The following TLK1 variants were observed in gnomAD, a reference collection of about 807,000 sequenced individuals.
The protein encoded by TLK1 is tousled like kinase 1, also known as serine/threonine-protein kinase tousled-like 1.
TLK1 carries 24 observed loss-of-function variants against 105.3 expected under a neutral mutation model. The ratio of observed to expected loss-of-function variants is 0.23; its 90% CI spans 0.17 to 0.32. The LOEUF (loss-of-function observed/expected upper bound fraction) is 0.32. TLK1 is among the 10% of genes least tolerant of loss of function. The pLI, the probability that TLK1 is intolerant of heterozygous loss-of-function variation, is 1.00. For synonymous variants in TLK1, 321 were observed against 310.4 expected (o/e 1.03, Z -0.36); for missense variants, 558 against 910.5 (o/e 0.61, Z 4.98).
chr2:171,091,282 G>A lies in TLK1; in HGVS notation c.259-8430C>T, dbSNP rs536874451. Among the ~76,000 whole-genome samples the A allele has an allele frequency of 5.3e-5, 8 of 152,228 alleles. No individual in the cohort carries two copies. The East Asian group carries it at 1.5e-3, about 29-fold the overall frequency. ...CAGTGCTTGAGTTCAATGCTTGAGA[G>A]GAGCTATATGGGTTAAGAGGGAATA... On this transcript the variant is annotated intron_variant, in intron 2 of 20. Coordinates refer to ENST00000431350, the MANE Select transcript of TLK1 (RefSeq NM_012290.5).
intron 1 of TLK1, among the ~76,000 whole-genome samples, chr2:171,128,382 T>C (rs1690956979): frequency 6.6e-6 from 1 of 152,168 alleles, no homozygotes. Context: ...AGCTTCCTTA[T>C]ATAGAAAATG....
Position 171,160,730 on chromosome 2 carries a change from CGG to C in TLK1, c.-304_-303del, listed in dbSNP as rs1436056136. On this transcript the variant is annotated 5_prime_UTR_variant, in exon 1 of 21. Transcript: ENST00000431350. The surrounding 1 kb of genome is among the most constrained non-coding windows in gnomAD (Gnocchi z 4.4). Reference sequence around the variant, plus strand: ...GCGGAGGCGTCGAGGGGGTGCCAGCCGGGCCGGGGTCGGAGCGCGGGCGGAGC... The same window carrying C: ...GCGGAGGCGTCGAGGGGGTGCCAGCCGCCGGGGTCGGAGCGCGGGCGGAGC... 2.2e-6 allele frequency: 1 copy of C among 449,164 alleles called. No homozygotes were observed. Among genetic ancestry groups the C allele is most frequent in the South Asian group, 5.9e-5 (1 of 16,916 alleles). The allele number at this position is 449,164 out of a possible 1,614,324, so 27.8% of individuals were successfully genotyped here. A position where few individuals can be genotyped will look rare whatever the true frequency, so the allele number is the denominator to read the frequency against.
intron 12 of TLK1, 139 bp from the exon 13 acceptor site, chr2:171,015,087 T>G (rs1038352749): frequency 3.1e-6 from 2 of 655,596 alleles, no homozygotes; most frequent in Non-Finnish European, 5.2e-6. Context: ...AAGACCAAAG[T>G]GCTCTTTTCA....
At chr2:171,129,043 C>T (rs1284025487) in intron 1 of TLK1, among the ~76,000 whole-genome samples, 1 of 152,026 alleles carries the variant, frequency 6.6e-6, no homozygotes, top group African/African-American at 2.4e-5. Context: ...TGTACTTGAT[C>T]CTGCAGTAAG....
At chr2:171,076,676 G>T (rs1167194004) in intron 3 of TLK1, among the ~76,000 whole-genome samples, 2 of 150,860 alleles carry the variant, frequency 1.3e-5, no homozygotes, top group African/African-American at 2.4e-5. Flanking sequence ...GAGGCGGGCG[G>T]ATCACAAGGT....
At chr2:171,130,465 G>A (rs994168097) in intron 1 of TLK1, among the ~76,000 whole-genome samples, 2 of 152,152 alleles carry the variant, frequency 1.3e-5, no homozygotes, top group African/African-American at 4.8e-5. Flanking sequence ...AGGACACAGC[G>A]TTAATTCATA....
In TLK1 at chr2:170,993,663, TTG is replaced by T. The variant is rs1302731730; in HGVS notation, c.*115_*116del. On this transcript the variant is annotated 3_prime_UTR_variant, in exon 21 of 21. Transcript: ENST00000431350. Reference sequence around the variant, plus strand: ...TTCACAAACAGTTCTTAACCACGTCTTGTGTAAAAAAAAAAAAAAAAAAAAAA... The same window carrying T: ...TTCACAAACAGTTCTTAACCACGTCTTGTAAAAAAAAAAAAAAAAAAAAAA... 1.2e-6 allele frequency: 1 copy of T among 835,730 alleles called. No individual in the cohort carries two copies. The highest frequency in any genetic ancestry group is 1.6e-6 in the Non-Finnish European group (1 of 616,478). The allele number at this position is 835,730 out of a possible 1,614,324, so 51.8% of individuals were successfully genotyped here. A position where few individuals can be genotyped will look rare whatever the true frequency, so the allele number is the denominator to read the frequency against.
chr2:170,997,709 T>C lies in TLK1; in HGVS notation c.2016+3A>G, dbSNP rs1448345531. 5.7e-6 allele frequency: 9 copies of C among 1,573,914 alleles called. No homozygotes were observed. Among genetic ancestry groups the C allele is most frequent in the South Asian group, 2.4e-5 (2 of 84,560 alleles). On this transcript the variant is annotated splice_donor_region_variant and intron_variant, in intron 19 of 20. Transcript: ENST00000431350. ...AGCTGAAGGCTGGTAGAATTCAATT[T>C]ACCTTTCTACCATAAAGACACTGAA... is the stretch of plus-strand genomic sequence containing the variant.
chr2:171,114,228 T>C (rs1423067250), intron 2 of TLK1, among the ~76,000 whole-genome samples: 1 of 152,176 alleles, frequency 6.6e-6, no homozygotes, highest in African/African-American at 2.4e-5. Context: ...AATGATGGTG[T>C]ATGGTAGGCA....
chr2:170,993,816 G>T lies in TLK1; in HGVS notation c.2265C>A (p.Ser755=). 6.2e-7 allele frequency: 1 copy of T among 1,610,248 alleles called. No homozygotes were observed. The highest frequency in any genetic ancestry group is 1.1e-5 in the South Asian group (1 of 90,270). Residue 755 remains serine, a synonymous_variant, in exon 21 of 21, where the codon TCC becomes TCA. Coordinates refer to ENST00000431350, the MANE Select transcript of TLK1 (RefSeq NM_012290.5). ...TTATGCTTGAAGAAGGGGGTGTAGG[G>T]GATGCTGTCAGCCCAGCCATGTGTA... is the stretch of plus-strand genomic sequence containing the variant. The part of the protein sequence containing the change: ...GNLHMAGLTA[S]PTPPSSSIIT...
chr2:171,014,769 A>C, intron 13 of TLK1, 82 bp downstream of exon 13: 1 of 1,051,892 alleles, frequency 9.5e-7, no homozygotes, highest in South Asian at 1.4e-5. Context: ...ACAACCCAAG[A>C]AGGAAATATT....
At position 171,193,528 on chromosome 2, in the gene TLK1, C is replaced by G. The variant is rs1693199358; in HGVS notation, c.-6+37617G>C. 2.6e-5 allele frequency among the ~76,000 whole-genome samples: 4 copies of G among 151,546 alleles called. No homozygotes were observed. In the South Asian group the frequency reaches 6.2e-4, roughly 24 times the overall value. On this transcript the variant is annotated intron_variant, in intron 1 of 20. Coordinates refer to the TLK1 transcript ENST00000521943. ...TCTCCTGCCTCAGCCTCCCAAGTAG[C>G]TGGGACTACAAGCGCCCGCCACCAC...
intron 1 of TLK1, among the ~76,000 whole-genome samples, chr2:171,196,324 C>A (rs1290317986): frequency 6.6e-6 from 1 of 152,052 alleles, no homozygotes; most frequent in Non-Finnish European, 1.5e-5. Flanking sequence ...ACCATGTTGG[C>A]CAGGCTGGTC....
chr2:171,016,169 T>C (rs1027124373), intron 12 of TLK1, among the ~76,000 whole-genome samples: 1 of 152,152 alleles, frequency 6.6e-6, no homozygotes, highest in African/African-American at 2.4e-5. Flanking sequence ...CAATTTCTTT[T>C]TTCACTCTGT....
chr2:171,066,857 CA>C, intron 3 of TLK1: 1 of 1,551,982 alleles, frequency 6.4e-7, no homozygotes, highest in Middle Eastern at 1.9e-4. Flanking sequence ...CAGTAGTTTT[CA>C]AATCATACAA....
At position 171,113,817 on chromosome 2, in the gene TLK1, T is replaced by C. The variant is rs191185576; in HGVS notation, c.258+3922A>G. Among the ~76,000 whole-genome samples, 270 of 152,298 alleles carry C rather than the reference T, an allele frequency of 1.8e-3. 1 individual carries two copies. Among genetic ancestry groups the C allele is most frequent in the Middle Eastern group, 6.8e-3 (2 of 294 alleles). ...CCTATAAAATTAGTAACAGAAACTG[T>C]AGAATATCTTTATGGTCCAGGGATG... On this transcript the variant is annotated intron_variant, in intron 2 of 20. Coordinates refer to ENST00000431350, the MANE Select transcript of TLK1 (RefSeq NM_012290.5).
chr2:171,038,057 G>C (rs1686460658), intron 11 of TLK1, among the ~76,000 whole-genome samples: 1 of 152,086 alleles, frequency 6.6e-6, no homozygotes, highest in Non-Finnish European at 1.5e-5. Flanking sequence ...TGTGGATTTT[G>C]TTTCTTCTAC....
intron 1 of TLK1, among the ~76,000 whole-genome samples, chr2:171,126,282 AAAG>A (rs1383124382): frequency 6.6e-6 from 1 of 152,192 alleles, no homozygotes; most frequent in Non-Finnish European, 1.5e-5. Context: ...TAGGGAACAT[AAAG>A]AACACAATCC....
intron 3 of TLK1, 81 bp from the exon 4 acceptor site, chr2:171,061,237 G>T (rs573584945): frequency 7.9e-6 from 11 of 1,390,236 alleles, no homozygotes; most frequent in Non-Finnish European, 1.1e-5. Context: ...ACCATGTTTC[G>T]AGACCAAAAA....
Sources: gnomAD v4.1 joint callset for allele counts (sites outside exome capture counted in the v4.1 genomes callset) on GRCh38, gnomAD v4.1.1 for gene constraint, Gnocchi (gnomAD v3.1) non-coding constraint, MANE v1.5 for transcripts, NCBI Gene and HGNC (gene_info 2026-07-23, HGNC 2026-07-21) for gene names.